The following PACRGL variants were observed in gnomAD, a reference collection of about 807,000 sequenced individuals.
PACRGL encodes the protein PACRG-like protein.
A neutral mutation model predicts 34.5 loss-of-function variants in PACRGL; 38 were observed. The observed-to-expected ratio is 1.10, with a 90% CI of 0.85 to 1.44. The LOEUF (loss-of-function observed/expected upper bound fraction) is 1.44, where lower values mean the gene tolerates loss of function less well. Ranked by LOEUF, PACRGL falls within the 40% of genes most tolerant of loss-of-function variation. The probability of loss-of-function intolerance (pLI) is 0.00; values close to 1 mark genes in which losing one functional copy is unlikely to be tolerated. For synonymous variants in PACRGL, 128 were observed against 100.1 expected (o/e 1.28, Z -1.66); for missense variants, 305 against 281.4 (o/e 1.08, Z -0.60).
chr4:20,722,981 C>G (rs1049292076), intron 7 of PACRGL, among the ~76,000 whole-genome samples: 2 of 152,104 alleles, frequency 1.3e-5, no homozygotes, highest in South Asian at 4.1e-4. Context: ...TTTTTAACTT[C>G]CTATTCCACA....
At chr4:20,702,026 C>T (rs962286169) in intron 1 of PACRGL, 5 of 439,220 alleles carry the variant, frequency 1.1e-5, no homozygotes, top group African/African-American at 1.0e-4. Context: ...AAAAGTTGTC[C>T]TGTATACTCA....
chr4:20,734,994 G>A (rs1749245341), downstream of PACRGL, among the ~76,000 whole-genome samples: 1 of 152,260 alleles, frequency 6.6e-6, no homozygotes, highest in African/African-American at 2.4e-5. Flanking sequence ...TACCCACACA[G>A]CTAGAGGCTT....
chr4:20,736,117 C>T (rs144134293), downstream of PACRGL, among the ~76,000 whole-genome samples: 73 of 152,286 alleles, frequency 4.8e-4, no homozygotes, highest in South Asian at 6.2e-3. Context: ...TTCCTGGACC[C>T]AGCCACCTGT....
Position 20,709,782 on chromosome 4 carries a change from G to C in PACRGL, c.366+9G>C. The C allele has an allele frequency of 6.4e-7, 1 of 1,551,364 alleles. No homozygotes were observed. The highest frequency in any genetic ancestry group is 1.4e-5 in the African/African-American group (1 of 73,514). ...TTATTACTTTAGCTGAGGTAAATAT[G>C]CCATCTCTTGAATATTTATCAGAAA... On this transcript the variant is annotated intron_variant, in intron 5 of 8. Transcript: ENST00000503585.
At chr4:20,726,370 T>C (rs1259162475) in intron 8 of PACRGL, among the ~76,000 whole-genome samples, 1 of 152,148 alleles carries the variant, frequency 6.6e-6, no homozygotes, top group African/African-American at 2.4e-5. Context: ...AGGGCTGTTA[T>C]TATTTATTTT....
At position 20,746,294 on chromosome 4, in the gene PACRGL, T is replaced by C. The variant is rs569501031; in HGVS notation, c.*57-6271T>C. Among the ~76,000 whole-genome samples, 6 of 152,096 alleles carry C rather than the reference T, an allele frequency of 3.9e-5. No homozygotes were observed. The East Asian group carries it at 9.7e-4, about 25-fold the overall frequency. On this transcript the variant is annotated intron_variant, in intron 8 of 8. Transcript: ENST00000507634. Reference sequence around the variant, plus strand: ...AGAACAGTAAACCAAACATTGCATGTTCTCACTCATAGCTGGGAATTGAAC... The same window carrying C: ...AGAACAGTAAACCAAACATTGCATGCTCTCACTCATAGCTGGGAATTGAAC...
In PACRGL at chr4:20,731,523, G is replaced by A; in HGVS notation, c.*4182G>A. ...TATTTTTTGTGACTGAAGACCATTA[G>A]TGAGTTCAGTCAAAGAGCCATTTCT... On this transcript the variant is annotated 3_prime_UTR_variant, in exon 9 of 9. Transcript: ENST00000503585. 1.0e-6 allele frequency: 1 copy of A among 985,362 alleles called. No individual in the cohort carries two copies. Among genetic ancestry groups the A allele is most frequent in the Non-Finnish European group, 1.2e-6 (1 of 829,900 alleles). The allele number at this position is 985,362 out of a possible 1,614,324, so 61.0% of individuals were successfully genotyped here. A position where few individuals can be genotyped will look rare whatever the true frequency, so the allele number is the denominator to read the frequency against.
chr4:20,746,881 A>T (rs930532335), intron 8 of PACRGL, among the ~76,000 whole-genome samples: 1 of 151,990 alleles, frequency 6.6e-6, no homozygotes, highest in Non-Finnish European at 1.5e-5. Context: ...TCTCTACTGT[A>T]CCTCTCAGTA....
At chr4:20,701,408 A>G (rs1371744691) in intron 1 of PACRGL, 1 of 156,482 alleles carries the variant, frequency 6.4e-6, no homozygotes, top group Admixed American at 6.2e-5. Flanking sequence ...AGGTGTTCGA[A>G]GTTAAGTGGA....
At chr4:20,767,363 G>A in the PACRGL span, 2 of 152,002 alleles carry the variant, frequency 1.3e-5, no homozygotes, top group Non-Finnish European at 2.9e-5. Context: ...ATAAATGTCA[G>A]TAGAAACCCA....
At chr4:20,707,746 G>A in intron 3 of PACRGL, 57 bp from the exon 4 acceptor site, 1 of 1,443,376 alleles carries the variant, frequency 6.9e-7, no homozygotes, top group Non-Finnish European at 9.7e-7. Flanking sequence ...CAAAATGGCT[G>A]TGTGCTTCTG....
chr4:20,733,756 A>G (rs1007960953), downstream of PACRGL, among the ~76,000 whole-genome samples: 4 of 152,212 alleles, frequency 2.6e-5, no homozygotes, highest in Admixed American at 2.6e-4. Flanking sequence ...ATACATGAAC[A>G]CAATAGCCAT....
At chr4:20,734,551 A>T, downstream of PACRGL, 1 of 706,980 alleles carries the variant, frequency 1.4e-6, no homozygotes, top group Non-Finnish European at 2.3e-6. Context: ...TTTCAAATTA[A>T]TAATTGCAAT....
At chr4:20,764,945 T>C in the PACRGL span, among the ~76,000 whole-genome samples, 1 of 152,182 alleles carries the variant, frequency 6.6e-6, no homozygotes, top group Non-Finnish European at 1.5e-5. Context: ...AGACCATTAC[T>C]TTTAACACTT....
At chr4:20,766,961 C>T in the PACRGL span, 1 of 152,094 alleles carries the variant, frequency 6.6e-6, no homozygotes, top group East Asian at 1.9e-4. Context: ...CAGGAATTGA[C>T]CTCAGAGAGC....
At chr4:20,764,342 A>C in the PACRGL span, among the ~76,000 whole-genome samples, 1 of 152,214 alleles carries the variant, frequency 6.6e-6, no homozygotes, top group Middle Eastern at 3.4e-3. Flanking sequence ...TATCCTGAAC[A>C]TTTTTTACAT....
rs1423217507 is a variant in PACRGL, at chr4:20,724,414, C to G, written c.610-394C>G. On this transcript the variant is annotated intron_variant, in intron 7 of 8. Coordinates refer to ENST00000503585, the MANE Select transcript of PACRGL (RefSeq NM_001258345.3). Reference sequence around the variant, plus strand: ...ACCCTGTCCATCCCCAGGGCATTCACTCTTATAAATTACTCATGTAAATCC... The same window carrying G: ...ACCCTGTCCATCCCCAGGGCATTCAGTCTTATAAATTACTCATGTAAATCC... Among the ~76,000 whole-genome samples, 4 of 152,186 alleles carry G rather than the reference C, an allele frequency of 2.6e-5. No individual in the cohort carries two copies. The East Asian group carries it at 7.7e-4, about 29-fold the overall frequency.
chr4:20,705,707 A>G (rs2149054445), intron 3 of PACRGL, among the ~76,000 whole-genome samples: 2 of 152,072 alleles, frequency 1.3e-5, no homozygotes, highest in Non-Finnish European at 2.9e-5. Flanking sequence ...TACTTTTTGA[A>G]TTAATAATAT....
At position 20,727,668 on chromosome 4, in the gene PACRGL, G is replaced by A. The variant is rs1205424653; in HGVS notation, c.*327G>A. On this transcript the variant is annotated 3_prime_UTR_variant, in exon 9 of 9. Transcript: ENST00000503585. ...TTTTATTTATAACAACACTTTTTTG[G>A]CAATCAGTTTGTAGCTGTGCCCTTA... is the stretch of plus-strand genomic sequence containing the variant. The A allele has an allele frequency of 1.9e-5, 4 of 207,210 alleles. No homozygotes were observed. The highest frequency in any genetic ancestry group is 5.5e-5 in the Admixed American group (1 of 18,146). The allele number at this position is 207,210 out of a possible 1,614,324, so 12.8% of individuals were successfully genotyped here.
Sources: allele counts gnomAD v4.1 joint callset (sites outside exome capture counted in the v4.1 genomes callset), GRCh38; gene constraint gnomAD v4.1.1; transcripts MANE v1.5; gene names NCBI Gene and HGNC (gene_info 2026-07-23, HGNC 2026-07-21).